The following BAZ2B variants were observed in gnomAD, a reference collection of about 807,000 sequenced individuals.
The protein encoded by BAZ2B is bromodomain adjacent to zinc finger domain 2B, also known as bromodomain adjacent to zinc finger domain protein 2B.
A neutral mutation model predicts 246.0 loss-of-function variants in BAZ2B; 91 were observed. The ratio of observed to expected loss-of-function variants is 0.37; its 90% confidence interval spans 0.31 to 0.44. The LOEUF is 0.44. Ranked by LOEUF, BAZ2B falls within the 20% of genes least tolerant of loss-of-function variation. BAZ2B has a pLI of 1.00. For missense variants in BAZ2B, 2,332 were observed against 2,533.7 expected (o/e 0.92, Z 1.71); for synonymous variants, 855 against 860.0 (o/e 0.99, Z 0.10).
At chr2:159,628,455 C>T in the BAZ2B span, among the ~76,000 whole-genome samples, 2 of 152,200 alleles carry the variant, frequency 1.3e-5, no homozygotes, top group Admixed American at 1.3e-4. Flanking sequence ...CAGCACAGTA[C>T]TGGTACCGAA....
chr2:159,542,468 G>T (rs1001279394), intron 2 of BAZ2B, among the ~76,000 whole-genome samples: 10 of 151,966 alleles, frequency 6.6e-5, no homozygotes, highest in African/African-American at 2.2e-4. Context: ...TTATGTACAA[G>T]GAATCTTCAA....
chr2:159,463,181 C>A (rs754101416), intron 3 of BAZ2B: 1 of 575,230 alleles, frequency 1.7e-6, no homozygotes, highest in Non-Finnish European at 3.3e-6. Context: ...AATTCTCCTG[C>A]GGGTGCATGA....
At chr2:159,569,136 T>C (rs1683322291) in intron 1 of BAZ2B, among the ~76,000 whole-genome samples, 1 of 152,176 alleles carries the variant, frequency 6.6e-6, no homozygotes, top group South Asian at 2.1e-4. Flanking sequence ...ACATAAGCAT[T>C]ACATATTTAC....
At chr2:159,315,663 T>C (rs2062037252), downstream of BAZ2B, among the ~76,000 whole-genome samples, 1 of 152,184 alleles carries the variant, frequency 6.6e-6, no homozygotes, top group African/African-American at 2.4e-5. Flanking sequence ...CACAAAGCTA[T>C]CACTATGCCA....
chr2:159,331,732 G>A (rs1057432480), intron 34 of BAZ2B, among the ~76,000 whole-genome samples: 4 of 152,144 alleles, frequency 2.6e-5, no homozygotes, highest in African/African-American at 7.2e-5. Context: ...AGATACAAAG[G>A]TATAGGTGCT....
chr2:159,493,510 GT>G (rs1347239883), intron 2 of BAZ2B, among the ~76,000 whole-genome samples: 1 of 152,190 alleles, frequency 6.6e-6, no homozygotes, highest in Admixed American at 6.5e-5. Flanking sequence ...AAAGATGGAT[GT>G]GCAGTATTAG....
chr2:159,397,565 T>C (rs1463164996), intron 18 of BAZ2B, among the ~76,000 whole-genome samples, 176 bp from the exon 19 acceptor site: 3 of 152,210 alleles, frequency 2.0e-5, no homozygotes, highest in African/African-American at 7.2e-5. Flanking sequence ...TGTATGCTTC[T>C]ACCTAACAAA....
chr2:159,343,811 G>A (rs1018151902), intron 31 of BAZ2B, among the ~76,000 whole-genome samples: 6 of 152,046 alleles, frequency 3.9e-5, no homozygotes, highest in African/African-American at 1.4e-4. Context: ...CAGATCACAA[G>A]GTCAGGAGAT....
intron 3 of BAZ2B, among the ~76,000 whole-genome samples, chr2:159,470,069 A>G (rs183275654): frequency 2.6e-5 from 4 of 152,312 alleles, no homozygotes; most frequent in Non-Finnish European, 4.4e-5. Context: ...CATGACCAAC[A>G]CTATTCTGAA....
chr2:159,325,117 T>TTATATATATATA (rs1344829292), intron 35 of BAZ2B, among the ~76,000 whole-genome samples, 163 bp from the exon 36 acceptor site: 120 of 3,318 alleles, frequency 0.036, 4 homozygotes, highest in African/African-American at 0.08. Context: ...TATATATATT[T>TTATATATATATA]TATATATATA....
At chr2:159,436,353 A>C (rs1366141718) in intron 8 of BAZ2B, among the ~76,000 whole-genome samples, 1 of 152,208 alleles carries the variant, frequency 6.6e-6, no homozygotes, top group Admixed American at 6.5e-5. Context: ...TTACTCTTTT[A>C]TAGTACACAT....
the BAZ2B span, among the ~76,000 whole-genome samples, chr2:159,667,626 A>AAATG: frequency 6.6e-6 from 1 of 151,048 alleles, no homozygotes; most frequent in African/African-American, 2.4e-5. Flanking sequence ...ATAAATAAAT[A>AAATG]AATAAATAAA....
the BAZ2B span, among the ~76,000 whole-genome samples, chr2:159,705,743 A>G: frequency 6.6e-6 from 1 of 152,214 alleles, no homozygotes; most frequent in East Asian, 1.9e-4. Context: ...ATACTGCCTG[A>G]TAATATCAAA....
At chr2:159,371,890 G>A (rs563322448) in intron 27 of BAZ2B, among the ~76,000 whole-genome samples, 1 of 152,254 alleles carries the variant, frequency 6.6e-6, no homozygotes, top group African/African-American at 2.4e-5. Flanking sequence ...CATTATTAGA[G>A]ATGCCTCTGG....
chr2:159,438,927 T>C (rs1250461982), intron 7 of BAZ2B, 82 bp downstream of exon 7: 18 of 1,416,664 alleles, frequency 1.3e-5, no homozygotes, highest in Non-Finnish European at 9.6e-7. Flanking sequence ...ACTTTAAAAC[T>C]ACAGACTTTG....
At chr2:159,527,274 A>G (rs13384069) in intron 2 of BAZ2B, among the ~76,000 whole-genome samples, 4,016 of 152,174 alleles carry the variant, frequency 0.026, 180 homozygotes, top group African/African-American at 0.092. Flanking sequence ...CGAAATGAAT[A>G]TCTTTTGCCC....
At chr2:159,409,464 G>GA (rs769202874) in intron 14 of BAZ2B, among the ~76,000 whole-genome samples, 11 of 152,074 alleles carry the variant, frequency 7.2e-5, no homozygotes, top group Non-Finnish European at 1.3e-4. Flanking sequence ...ATTCAAACTT[G>GA]GTCAGATTTT....
At chr2:159,511,365 G>A (rs1052993720) in intron 2 of BAZ2B, among the ~76,000 whole-genome samples, 11 of 151,826 alleles carry the variant, frequency 7.2e-5, no homozygotes, top group African/African-American at 2.2e-4. Flanking sequence ...CACCACACCC[G>A]GCTAATTTTT....
rs569251977 is a variant in BAZ2B at position 159,420,977 on chromosome 2, C to A, written c.2466+6964G>T. Among the ~76,000 whole-genome samples, 6 of 152,256 alleles carry A rather than the reference C, an allele frequency of 3.9e-5. No homozygotes were observed. In the East Asian group the frequency reaches 1.2e-3, roughly 29 times the overall value. On this transcript the variant is annotated intron_variant, in intron 13 of 36. Transcript: ENST00000392783. ...CAGCATAGGCTTATATAGAGTATTA[C>A]AATTGTTTTGTTCCATGAAGTCTAT...
Sources: gnomAD v4.1 joint callset for allele counts (sites outside exome capture counted in the v4.1 genomes callset) on GRCh38, gnomAD v4.1.1 for gene constraint, MANE v1.5 for transcripts, NCBI Gene and HGNC (gene_info 2026-07-23, HGNC 2026-07-21) for gene names.